Variants in TMEM245 observed in about 807,000 individuals in gnomAD.
TMEM245 encodes transmembrane protein 245, also known as protein CG-2.
A neutral mutation model predicts 101.2 loss-of-function variants in TMEM245; 69 were observed. The ratio of observed to expected loss-of-function variants is 0.68; its 90% CI spans 0.56 to 0.83. The LOEUF (loss-of-function observed/expected upper bound fraction) is 0.83. TMEM245 is among the 40% of genes least tolerant of loss of function. The pLI, the probability that TMEM245 is intolerant of heterozygous loss-of-function variation, is 0.00. For missense variants in TMEM245, 1,075 were observed against 1,092.8 expected, an observed-to-expected ratio of 0.98 and a Z score of 0.23; for synonymous variants, 537 against 449.8, an observed-to-expected ratio of 1.19 and a Z score of -2.45.
At chr9:109,021,048 G>A (rs538050029) in intron 17 of TMEM245, among the ~76,000 whole-genome samples, 1 of 152,306 alleles carries the variant, frequency 6.6e-6, no homozygotes, top group Non-Finnish European at 1.5e-5. Context: ...AACTGTTTCT[G>A]ACCCACATTA....
At chr9:109,036,721 T>C (rs1480989058) in intron 15 of TMEM245, among the ~76,000 whole-genome samples, 1 of 152,156 alleles carries the variant, frequency 6.6e-6, no homozygotes, top group African/African-American at 2.4e-5. Context: ...TGTCAAAACT[T>C]GTACTGAGTC....
chr9:109,068,615 G>A (rs1019779145), intron 9 of TMEM245, among the ~76,000 whole-genome samples: 14 of 152,116 alleles, frequency 9.2e-5, no homozygotes, highest in East Asian at 1.9e-4. Context: ...CTCCAGCCTG[G>A]GTTAGAGTGA....
Position 109,015,269 on chromosome 9 carries a change from G to C in TMEM245, c.*5191C>G, listed in dbSNP as rs994674283. ...GAAACAGCATTTGTGTGAGAACAGAGGGTATTTATTGTATTCGAATATTCT... is the reference window on the plus strand; with the variant it reads ...GAAACAGCATTTGTGTGAGAACAGACGGTATTTATTGTATTCGAATATTCT... On this transcript the variant is annotated 3_prime_UTR_variant, in exon 18 of 18. Coordinates refer to ENST00000374586, the MANE Select transcript of TMEM245 (RefSeq NM_032012.4). The C allele has an allele frequency of 3.9e-5, 6 of 152,190 alleles. No homozygotes were observed. Among genetic ancestry groups the C allele is most frequent in the African/African-American group, 1.4e-4 (6 of 41,446 alleles). The allele number at this position is 152,190 out of a possible 1,614,324, so 9.4% of individuals were successfully genotyped here.
chr9:109,041,452 A>ATTTTTTTTT (rs1475469527), intron 14 of TMEM245, among the ~76,000 whole-genome samples: 7 of 129,668 alleles, frequency 5.4e-5, no homozygotes, highest in Admixed American at 1.6e-4. Flanking sequence ...CCATCCTACA[A>ATTTTTTTTT]ATTTTTTTTT....
chr9:109,051,419 G>A (rs1347810406), intron 12 of TMEM245, among the ~76,000 whole-genome samples: 2 of 151,848 alleles, frequency 1.3e-5, no homozygotes, highest in Non-Finnish European at 1.5e-5. Context: ...TATATTCTGA[G>A]AAATGTGTCA....
At chr9:109,082,052 T>A (rs1011590013) in intron 7 of TMEM245, among the ~76,000 whole-genome samples, 6 of 152,200 alleles carry the variant, frequency 3.9e-5, no homozygotes, top group African/African-American at 1.4e-4. Context: ...AAATAAGTTA[T>A]TCTTAATTTA....
In TMEM245 at chr9:109,115,879, A is replaced by T. The variant is rs1472665630; in HGVS notation, c.579+3456T>A. Among the ~76,000 whole-genome samples the T allele has an allele frequency of 2.6e-5, 4 of 152,272 alleles. No individual in the cohort carries two copies. The East Asian group carries it at 7.7e-4, about 29-fold the overall frequency. On this transcript the variant is annotated intron_variant, in intron 1 of 17. Coordinates refer to ENST00000374586, the MANE Select transcript of TMEM245 (RefSeq NM_032012.4). Reference sequence around the variant, plus strand: ...CACAATGTATTAGGGAAAACTTTTTAAAAATCCTTATTGAAGGTTACTACA... The same window carrying T: ...CACAATGTATTAGGGAAAACTTTTTTAAAATCCTTATTGAAGGTTACTACA...
intron 14 of TMEM245, chr9:109,038,449 C>A: frequency 5.5e-6 from 1 of 181,174 alleles, no homozygotes; most frequent in Non-Finnish European, 1.1e-5. Flanking sequence ...GATATTTCAC[C>A]ACCAAAACAA....
chr9:109,097,651 G>A (rs931914847), intron 3 of TMEM245, among the ~76,000 whole-genome samples: 3 of 152,208 alleles, frequency 2.0e-5, no homozygotes, highest in East Asian at 1.9e-4. Context: ...GGGCACAGTG[G>A]CTCACACCTG....
At chr9:109,084,651 C>A (rs1228631333) in intron 7 of TMEM245, among the ~76,000 whole-genome samples, 1 of 152,218 alleles carries the variant, frequency 6.6e-6, no homozygotes, top group African/African-American at 2.4e-5. Flanking sequence ...CTGCTCCAGC[C>A]TGAGCAACGG....
intron 3 of TMEM245, among the ~76,000 whole-genome samples, chr9:109,099,625 C>T (rs1043868038): frequency 6.6e-6 from 1 of 152,152 alleles, no homozygotes; most frequent in Non-Finnish European, 1.5e-5. Flanking sequence ...ACCAATCTCA[C>T]TAGACTGCTT....
intron 1 of TMEM245, among the ~76,000 whole-genome samples, chr9:109,115,021 T>C (rs1413098648): frequency 6.6e-6 from 1 of 152,088 alleles, no homozygotes; most frequent in Admixed American, 6.6e-5. Flanking sequence ...GAAGAGGAAC[T>C]GAACTGGAAA....
At chr9:109,083,387 A>C (rs1829726763) in intron 7 of TMEM245, among the ~76,000 whole-genome samples, 1 of 152,188 alleles carries the variant, frequency 6.6e-6, no homozygotes, top group African/African-American at 2.4e-5. Context: ...AACCCAATCC[A>C]CCTGCCCTCG....
At position 109,087,344 on chromosome 9, in the gene TMEM245, T is replaced by TA; in HGVS notation, c.1151-3dup. ...TGACAAGCTTTTTGAGTATCCAGAC[T>TA]AAAAAAAGACAAAAAATACATATAT... On this transcript the variant is annotated splice_polypyrimidine_tract_variant and splice_region_variant and intron_variant, in intron 5 of 17. Coordinates refer to ENST00000374586, the MANE Select transcript of TMEM245 (RefSeq NM_032012.4). 1.9e-6 allele frequency: 3 copies of TA among 1,582,326 alleles called. No homozygotes were observed. The highest frequency in any genetic ancestry group is 1.7e-4 in the Middle Eastern group (1 of 5,884).
intron 9 of TMEM245, among the ~76,000 whole-genome samples, chr9:109,072,282 G>A (rs1829357067): frequency 6.6e-6 from 1 of 152,204 alleles, no homozygotes; most frequent in Non-Finnish European, 1.5e-5. Flanking sequence ...GTGGACAGAT[G>A]TGCAGGCTCC....
At chr9:109,069,912 G>C (rs72607168) in intron 9 of TMEM245, among the ~76,000 whole-genome samples, 33,593 of 152,042 alleles carry the variant, frequency 0.22, 4,538 homozygotes, top group Admixed American at 0.3. Flanking sequence ...TAAATGAACT[G>C]CTCTTGCAGC....
At chr9:109,057,113 A>C in intron 12 of TMEM245, 78 bp downstream of exon 12, 1 of 1,509,028 alleles carries the variant, frequency 6.6e-7, no homozygotes, top group Non-Finnish European at 9.0e-7. Context: ...ATGAGGCCTC[A>C]AAGTGTATGA....
intron 3 of TMEM245, among the ~76,000 whole-genome samples, chr9:109,102,913 G>A (rs184381236): frequency 6.1e-4 from 93 of 152,302 alleles, no homozygotes; most frequent in African/African-American, 1.8e-3. Context: ...GCTTCCACAC[G>A]GCTGGGTAAC....
chr9:109,042,094 G>A lies in TMEM245; in HGVS notation c.2124-3977C>T, dbSNP rs1164171488. Among the ~76,000 whole-genome samples the A allele has an allele frequency of 5.9e-5, 9 of 152,112 alleles. No homozygotes were observed. The East Asian group carries it at 1.5e-3, about 26-fold the overall frequency. The stretch of plus-strand genomic sequence containing the variant: ...ATTTTAGGTTCCAAAGAACCCTGGA[G>A]ATAAATGGTAATTATATGCCCAGTA... On this transcript the variant is annotated intron_variant, in intron 14 of 17. Coordinates refer to ENST00000374586, the MANE Select transcript of TMEM245 (RefSeq NM_032012.4).
Sources: allele counts gnomAD v4.1 joint callset (sites outside exome capture counted in the v4.1 genomes callset), GRCh38; gene constraint gnomAD v4.1.1; transcripts MANE v1.5; gene names NCBI Gene and HGNC (gene_info 2026-07-23, HGNC 2026-07-21).